SHANK2: variants seen among roughly 807,000 people sequenced by gnomAD.
SHANK2 encodes the protein SH3 and multiple ankyrin repeat domains protein 2.
Under a neutral mutation model 133.7 loss-of-function variants are expected in SHANK2, and 43 were observed. The ratio of observed to expected loss-of-function variants is 0.32; its 90% CI spans 0.25 to 0.41. The LOEUF (loss-of-function observed/expected upper bound fraction) is 0.41, where lower values mean the gene tolerates loss of function less well. Among genes scored for constraint, SHANK2 ranks in the 10% least tolerant of loss-of-function variants. The pLI is 1.00. For synonymous variants in SHANK2, 1,017 were observed against 952.8 expected (o/e 1.07, Z -1.24); for missense variants, 1,994 against 2,235.8 (o/e 0.89, Z 2.18).
chr11:70,670,941 G>A (rs1010736261), intron 15 of SHANK2, among the ~76,000 whole-genome samples: 1 of 152,226 alleles, frequency 6.6e-6, no homozygotes, highest in Non-Finnish European at 1.5e-5. Context: ...CCGCACACCC[G>A]TGCCCAGAGA....
At chr11:71,150,662 T>G (rs2135423191) in intron 2 of SHANK2, among the ~76,000 whole-genome samples, 1 of 152,162 alleles carries the variant, frequency 6.6e-6, no homozygotes, top group South Asian at 2.1e-4. Context: ...CAGCGCATGT[T>G]CTTTCTTTGT....
At chr11:71,107,686 C>T (rs555839006) in intron 6 of SHANK2, among the ~76,000 whole-genome samples, 4 of 152,300 alleles carry the variant, frequency 2.6e-5, no homozygotes, top group Admixed American at 2.6e-4. Context: ...AGTTTTAACT[C>T]CAGGCAGGAC....
intron 15 of SHANK2, among the ~76,000 whole-genome samples, chr11:70,667,054 T>C (rs1944691803): frequency 6.6e-6 from 1 of 152,030 alleles, no homozygotes; most frequent in Non-Finnish European, 1.5e-5. Context: ...TGTACAACTA[T>C]GGAGGAAACC....
At chr11:71,109,500 G>A (rs1951857066) in intron 6 of SHANK2, among the ~76,000 whole-genome samples, 1 of 152,234 alleles carries the variant, frequency 6.6e-6, no homozygotes, top group Non-Finnish European at 1.5e-5. Context: ...GCACTCATGA[G>A]GAATGTGGTT....
chr11:70,473,731 C>T lies in SHANK2; in HGVS notation c.4980-292G>A. The T allele has an allele frequency of 2.1e-6, 1 of 481,702 alleles. No homozygotes were observed. Among genetic ancestry groups the T allele is most frequent in the South Asian group, 2.0e-5 (1 of 50,376 alleles). The allele number at this position is 481,702 out of a possible 1,614,324, so 29.8% of individuals were successfully genotyped here. A position where few individuals can be genotyped will look rare whatever the true frequency, so the allele number is the denominator to read the frequency against. On this transcript the variant is annotated intron_variant, in intron 25 of 25. Coordinates refer to ENST00000601538, the MANE Select transcript of SHANK2 (RefSeq NM_012309.5). The surrounding 1 kb of genome is among the most constrained non-coding windows in gnomAD (Gnocchi z 5.9). ...GGGGGGAGCACACCACGTCAGCCCA[C>T]TCACCTGAACTGGGACAGAGGGGCT...
chr11:70,519,948 A>G (rs1197255399), intron 17 of SHANK2, among the ~76,000 whole-genome samples: 1 of 138,994 alleles, frequency 7.2e-6, no homozygotes, highest in Non-Finnish European at 1.5e-5. Context: ...AGGTCTCACC[A>G]TGTTGCCCAG....
intron 10 of SHANK2, among the ~76,000 whole-genome samples, chr11:70,953,134 A>C (rs1024718063): frequency 6.6e-6 from 1 of 151,758 alleles, no homozygotes; most frequent in African/African-American, 2.4e-5. Context: ...GCCCTTTCCA[A>C]TCCTCACATT....
At chr11:70,567,085 T>C (rs1554982015) in intron 17 of SHANK2, among the ~76,000 whole-genome samples, 1 of 152,196 alleles carries the variant, frequency 6.6e-6, no homozygotes, top group African/African-American at 2.4e-5. Context: ...ACCATTGTTA[T>C]CGGGTGGTGC....
At chr11:70,948,448 C>G (rs1185778414) in intron 10 of SHANK2, 4 of 447,222 alleles carry the variant, frequency 8.9e-6, no homozygotes, top group African/African-American at 6.0e-5. Flanking sequence ...CATAGATATG[C>G]ACCGAACATC....
chr11:71,250,476 C>T (rs1334314827), intron 1 of SHANK2, among the ~76,000 whole-genome samples: 1 of 152,166 alleles, frequency 6.6e-6, no homozygotes, highest in Non-Finnish European at 1.5e-5. Context: ...CCCACAGCTC[C>T]CACCTACCAA....
At chr11:70,849,817 T>A (rs57417454) in intron 11 of SHANK2, among the ~76,000 whole-genome samples, 320 of 152,112 alleles carry the variant, frequency 2.1e-3, no homozygotes, top group African/African-American at 6.8e-3. Flanking sequence ...TCTCTTTTTT[T>A]AAAAAAAATG....
intron 17 of SHANK2, among the ~76,000 whole-genome samples, chr11:70,637,777 C>T (rs1396657723): frequency 4.6e-5 from 7 of 152,348 alleles, no homozygotes; most frequent in Middle Eastern, 3.4e-3. Flanking sequence ...CTTTCCTTCC[C>T]GCACCCCACA....
chr11:71,145,894 C>A (rs1328257187), intron 3 of SHANK2, among the ~76,000 whole-genome samples: 3 of 152,328 alleles, frequency 2.0e-5, no homozygotes, highest in East Asian at 1.9e-4. Flanking sequence ...TCTCCCCATT[C>A]CTTTAACCCA....
At chr11:70,716,595 C>T (rs1555027325) in intron 14 of SHANK2, among the ~76,000 whole-genome samples, 1 of 152,138 alleles carries the variant, frequency 6.6e-6, no homozygotes, top group African/African-American at 2.4e-5. Flanking sequence ...GTGGGTCCCA[C>T]TGGTGCTAAC....
intron 15 of SHANK2, among the ~76,000 whole-genome samples, chr11:70,665,551 C>T (rs1944663585): frequency 6.6e-6 from 1 of 152,190 alleles, no homozygotes; most frequent in Non-Finnish European, 1.5e-5. Flanking sequence ...TAGTCTCTGA[C>T]ATTAAGAAGG....
chr11:70,768,918 G>C (rs540815641), intron 14 of SHANK2, among the ~76,000 whole-genome samples: 1 of 152,126 alleles, frequency 6.6e-6, no homozygotes, highest in African/African-American at 2.4e-5. Context: ...CCACTCCAGG[G>C]GGGTGGGGAA....
At chr11:70,563,653 C>T (rs1248235034) in intron 17 of SHANK2, among the ~76,000 whole-genome samples, 1 of 151,656 alleles carries the variant, frequency 6.6e-6, no homozygotes, top group Non-Finnish European at 1.5e-5. Flanking sequence ...ATTCTCCTGC[C>T]TCAGCCTCCT....
intron 17 of SHANK2, among the ~76,000 whole-genome samples, chr11:70,616,715 G>T (rs2060747050): frequency 1.3e-5 from 2 of 152,170 alleles, no homozygotes; most frequent in Admixed American, 6.5e-5. Context: ...GCTGGGTGAA[G>T]GCTGGGAGTG....
chr11:70,575,683 C>A (rs1392427784), intron 17 of SHANK2, among the ~76,000 whole-genome samples: 1 of 149,914 alleles, frequency 6.7e-6, no homozygotes, highest in Non-Finnish European at 1.5e-5. Flanking sequence ...TTACAGACTG[C>A]AAGTAAGTCG....
Sources: gnomAD v4.1 joint callset for allele counts (sites outside exome capture counted in the v4.1 genomes callset) on GRCh38, gnomAD v4.1.1 for gene constraint, Gnocchi (gnomAD v3.1) non-coding constraint, MANE v1.5 for transcripts, NCBI Gene and HGNC (gene_info 2026-07-23, HGNC 2026-07-21) for gene names.